Variants in GNG12 observed in about 807,000 individuals in gnomAD.
GNG12 encodes G protein subunit gamma 12, also known as guanine nucleotide-binding protein G(I)/G(S)/G(O) subunit gamma-12.
For missense variants in GNG12, 69 were observed against 83.8 expected, an observed-to-expected ratio of 0.82 and a Z score of 0.69; for synonymous variants, 28 against 29.7, an observed-to-expected ratio of 0.94 and a Z score of 0.19.
At chr1:67,812,083 C>T (rs964755265) in intron 1 of GNG12, among the ~76,000 whole-genome samples, 13 of 152,072 alleles carry the variant, frequency 8.5e-5, no homozygotes, top group Non-Finnish European at 1.3e-4. Flanking sequence ...TAGGGAATGC[C>T]AAGTTAAGCA....
At chr1:67,800,608 G>A (rs1164134329) in intron 1 of GNG12, among the ~76,000 whole-genome samples, 1 of 152,086 alleles carries the variant, frequency 6.6e-6, no homozygotes, top group Non-Finnish European at 1.5e-5. Context: ...ATGTCACAGA[G>A]AATTTTTTAA....
At chr1:67,784,181 T>C (rs906429067) in intron 1 of GNG12, among the ~76,000 whole-genome samples, 48 of 150,412 alleles carry the variant, frequency 3.2e-4, no homozygotes, top group African/African-American at 1.1e-3. Flanking sequence ...ATGGATGAAA[T>C]TGGAAATCAT....
chr1:67,747,213 G>A (rs534692545), intron 2 of GNG12, among the ~76,000 whole-genome samples: 7 of 152,106 alleles, frequency 4.6e-5, no homozygotes, highest in South Asian at 2.1e-4. Flanking sequence ...TCTGCTTCCC[G>A]GGTTCAAGTG....
chr1:67,728,147 G>A (rs865953532), intron 2 of GNG12, among the ~76,000 whole-genome samples: 34 of 152,254 alleles, frequency 2.2e-4, no homozygotes, highest in Middle Eastern at 3.4e-3. Context: ...ATCCCTAACA[G>A]GGCTGCCTTT....
chr1:67,749,517 G>A (rs369134884), intron 2 of GNG12, among the ~76,000 whole-genome samples: 2 of 152,264 alleles, frequency 1.3e-5, no homozygotes, highest in African/African-American at 2.4e-5. Context: ...ATAGTAACAC[G>A]GATTCAGTGC....
At chr1:67,779,328 C>T (rs752310370) in intron 1 of GNG12, among the ~76,000 whole-genome samples, 19 of 152,248 alleles carry the variant, frequency 1.2e-4, no homozygotes, top group Admixed American at 7.2e-4. Context: ...TCAGTGACAC[C>T]GTAGGGCTGA....
intron 1 of GNG12, among the ~76,000 whole-genome samples, chr1:67,816,420 G>A (rs1646954047): frequency 6.6e-6 from 1 of 152,188 alleles, no homozygotes; most frequent in Non-Finnish European, 1.5e-5. Flanking sequence ...CTTTGGATAT[G>A]CGTGCAAGGG....
intron 1 of GNG12, among the ~76,000 whole-genome samples, chr1:67,795,004 C>T (rs1484978665): frequency 2.0e-5 from 3 of 152,202 alleles, no homozygotes; most frequent in South Asian, 2.1e-4. Context: ...ATACGATACC[C>T]ATTTTAGAGA....
intron 1 of GNG12, among the ~76,000 whole-genome samples, chr1:67,804,644 C>G (rs1646884539): frequency 6.6e-6 from 1 of 152,074 alleles, no homozygotes; most frequent in Admixed American, 6.6e-5. Flanking sequence ...GGGCAAACCA[C>G]TGCCCCAAAA....
chr1:67,757,336 C>G (rs1010432101), intron 2 of GNG12, among the ~76,000 whole-genome samples: 1 of 152,102 alleles, frequency 6.6e-6, no homozygotes, highest in Admixed American at 6.5e-5. Context: ...ATTTCAGATT[C>G]CTGGATTAGG....
intron 1 of GNG12, among the ~76,000 whole-genome samples, chr1:67,824,576 T>G (rs1341556361): frequency 6.6e-6 from 1 of 150,924 alleles, no homozygotes; most frequent in African/African-American, 2.4e-5. Flanking sequence ...TTGTAAGAAA[T>G]TGTCAAAAAT....
chr1:67,758,096 C>T (rs868103223), intron 2 of GNG12, among the ~76,000 whole-genome samples: 3 of 152,042 alleles, frequency 2.0e-5, no homozygotes, highest in Admixed American at 6.6e-5. Context: ...CTCAGCCTCC[C>T]GAGGAGCTGG....
Position 67,777,472 on chromosome 1 carries a change from G to A in GNG12, c.-41C>T. On this transcript the variant is annotated 5_prime_UTR_variant, in exon 2 of 4. Coordinates refer to ENST00000370982, the MANE Select transcript of GNG12 (RefSeq NM_018841.6). ...GAAGAACTTACCAGTAAGACTTTGT[G>A]TGGTCCAATGTTTTCAGGTTTTAAG... The A allele has an allele frequency of 1.1e-6, 1 of 921,948 alleles. No individual in the cohort carries two copies. The highest frequency in any genetic ancestry group is 1.3e-6 in the Non-Finnish European group (1 of 771,976). 57.1% of individuals were successfully genotyped at this position (921,948 alleles called of 1,614,324 possible).
In GNG12 at chr1:67,731,947, C is replaced by T. The variant is rs541484601; in HGVS notation, c.-26-24235G>A. On this transcript the variant is annotated intron_variant, in intron 2 of 3. Coordinates refer to ENST00000370982, the MANE Select transcript of GNG12 (RefSeq NM_018841.6). ...AATGGTTTCAGTGCGAGCATGCTGT[C>T]TTACATGCGGTGGCATTCAATAGAT... 6.6e-5 allele frequency among the ~76,000 whole-genome samples: 10 copies of T among 152,302 alleles called. No homozygotes were observed. In the South Asian group the frequency reaches 2.1e-3, roughly 32 times the overall value.
chr1:67,828,198 T>A (rs986682229), intron 1 of GNG12, among the ~76,000 whole-genome samples: 1 of 152,202 alleles, frequency 6.6e-6, no homozygotes, highest in Non-Finnish European at 1.5e-5. Context: ...CTGCTGGGTC[T>A]CAGCAGCCAT....
chr1:67,821,779 T>C (rs1646985946), intron 1 of GNG12, among the ~76,000 whole-genome samples: 1 of 151,880 alleles, frequency 6.6e-6, no homozygotes, highest in South Asian at 2.1e-4. Flanking sequence ...AGCTTTTTTT[T>C]TTTCTTAGTG....
At chr1:67,797,251 A>C (rs1433925300) in intron 1 of GNG12, among the ~76,000 whole-genome samples, 1 of 152,240 alleles carries the variant, frequency 6.6e-6, no homozygotes, top group African/African-American at 2.4e-5. Flanking sequence ...GATAAAACAC[A>C]GACAATCATG....
At chr1:67,740,963 T>C (rs1200867668) in intron 2 of GNG12, among the ~76,000 whole-genome samples, 1 of 152,182 alleles carries the variant, frequency 6.6e-6, no homozygotes, top group Non-Finnish European at 1.5e-5. Flanking sequence ...CAGGGAATCA[T>C]CTATGTTTTA....
At chr1:67,718,422 T>C (rs1408013201) in intron 2 of GNG12, among the ~76,000 whole-genome samples, 1 of 152,224 alleles carries the variant, frequency 6.6e-6, no homozygotes, top group Non-Finnish European at 1.5e-5. Context: ...ATGTAATCAT[T>C]GTAAATATTA....
Sources: gnomAD v4.1 joint callset for allele counts (sites outside exome capture counted in the v4.1 genomes callset) on GRCh38, gnomAD v4.1.1 for gene constraint, MANE v1.5 for transcripts, NCBI Gene and HGNC (gene_info 2026-07-23, HGNC 2026-07-21) for gene names.